Variants in SPAG1 observed in about 807,000 individuals in gnomAD.
The protein encoded by SPAG1 is sperm associated antigen 1, also known as sperm-associated antigen 1.
SPAG1 carries 69 observed loss-of-function variants against 100.5 expected under a neutral mutation model. The observed-to-expected ratio is 0.69, with a 90% CI of 0.57 to 0.84. The LOEUF is 0.84. Ranked by LOEUF, SPAG1 falls within the 40% of genes least tolerant of loss-of-function variation. The pLI is 0.00. For missense variants in SPAG1, 955 were observed against 1,133.1 expected, an observed-to-expected ratio of 0.84 and a Z score of 2.26; for synonymous variants, 336 against 411.6, an observed-to-expected ratio of 0.82 and a Z score of 2.22.
chr8:100,168,687 C>CTTTTTTTTTT (rs747506730), intron 3 of SPAG1, among the ~76,000 whole-genome samples: 158 of 95,546 alleles, frequency 1.7e-3, no homozygotes, highest in South Asian at 3.0e-3. Flanking sequence ...GCCCAGCCAT[C>CTTTTTTTTTT]TTTTTTTTTT....
intron 10 of SPAG1, among the ~76,000 whole-genome samples, chr8:100,211,518 A>T (rs1021411592): frequency 6.6e-6 from 1 of 152,176 alleles, no homozygotes; most frequent in African/African-American, 2.4e-5. Flanking sequence ...TTAGCCAGGC[A>T]TGGTGGCTGG....
At chr8:100,222,237 C>T (rs900616605) in intron 13 of SPAG1, among the ~76,000 whole-genome samples, 18 of 152,336 alleles carry the variant, frequency 1.2e-4, no homozygotes, top group Non-Finnish European at 2.1e-4. Context: ...CCCATAGGTG[C>T]ACCTTAGGTT....
At chr8:100,176,804 T>C (rs1816138756) in intron 3 of SPAG1, among the ~76,000 whole-genome samples, 1 of 105,018 alleles carries the variant, frequency 9.5e-6, no homozygotes, top group Non-Finnish European at 2.0e-5. Context: ...GCCTCATAAA[T>C]TTCCCTCTCC....
intron 12 of SPAG1, 64 bp from the exon 13 acceptor site, chr8:100,220,215 G>C: frequency 7.2e-7 from 1 of 1,383,696 alleles, no homozygotes; most frequent in Non-Finnish European, 1.0e-6. Context: ...TATCTATTCA[G>C]TGAAGTATAA....
At chr8:100,190,020 T>C (rs1401039727) in intron 8 of SPAG1, among the ~76,000 whole-genome samples, 4 of 152,144 alleles carry the variant, frequency 2.6e-5, no homozygotes, top group Non-Finnish European at 4.4e-5. Flanking sequence ...ATAAAATTTC[T>C]AACTTTTCAG....
intron 14 of SPAG1, among the ~76,000 whole-genome samples, chr8:100,228,967 G>A (rs1382204173): frequency 6.6e-6 from 1 of 152,172 alleles, no homozygotes; most frequent in Non-Finnish European, 1.5e-5. Context: ...GTCACTGAAA[G>A]GGCCCAGACA....
chr8:100,163,968 T>G (rs1815431922), intron 2 of SPAG1, among the ~76,000 whole-genome samples: 1 of 152,230 alleles, frequency 6.6e-6, no homozygotes, highest in East Asian at 1.9e-4. Flanking sequence ...TTTTTTAAAA[T>G]TTAATTTGGA....
At chr8:100,194,608 G>A (rs1816952373) in intron 10 of SPAG1, 3 of 423,766 alleles carry the variant, frequency 7.1e-6, no homozygotes, top group Non-Finnish European at 1.2e-5. Context: ...CTACTTGATT[G>A]CAAACAAATG....
chr8:100,164,090 C>T (rs1178820826), intron 2 of SPAG1, among the ~76,000 whole-genome samples: 1 of 152,190 alleles, frequency 6.6e-6, no homozygotes. Context: ...CCATTTAACT[C>T]TCTAAGGAAG....
chr8:100,231,399 G>C (rs1318218395), intron 15 of SPAG1, 111 bp downstream of exon 15: 2 of 722,698 alleles, frequency 2.8e-6, no homozygotes, highest in South Asian at 5.2e-5. Flanking sequence ...TTTTTGTGAT[G>C]GTTCTAAGAA....
At chr8:100,236,822 A>T (rs922214996) in intron 16 of SPAG1, among the ~76,000 whole-genome samples, 2 of 152,192 alleles carry the variant, frequency 1.3e-5, no homozygotes, top group Non-Finnish European at 2.9e-5. Flanking sequence ...ATTTACACCC[A>T]ATAGAGGGTG....
Position 100,213,284 on chromosome 8 carries a change from G to T in SPAG1, c.1291G>T (p.Gly431Cys). 1 of 1,217,670 alleles carries T rather than the reference G, an allele frequency of 8.2e-7. No individual in the cohort carries two copies. The highest frequency in any genetic ancestry group is 4.1e-5 in the South Asian group (1 of 24,502). The allele number at this position is 1,217,670 out of a possible 1,614,324, so 75.4% of individuals were successfully genotyped here. Residue 431 changes from glycine (G) to cysteine (C), a missense_variant, in exon 11 of 19, where the codon GGC (glycine) becomes TGC (cysteine). Transcript: ENST00000388798. Reference protein sequence around the residue: ...RASAAAAAGGGATGHPGGGQG... With the variant: ...RASAAAAAGGCATGHPGGGQG... ...CTCTGCGGCGGCGGCGGCGGGCGGC[G>T]GCGCCACCGGGCATCCGGGCGGCGG...
chr8:100,185,566 C>G (rs1238167805), intron 7 of SPAG1, among the ~76,000 whole-genome samples: 1 of 152,186 alleles, frequency 6.6e-6, no homozygotes, highest in Non-Finnish European at 1.5e-5. Context: ...CAAGGCCCAA[C>G]AAAGTACCTG....
At chr8:100,161,008 C>T (rs1183474695) in intron 1 of SPAG1, among the ~76,000 whole-genome samples, 1 of 151,994 alleles carries the variant, frequency 6.6e-6, no homozygotes, top group East Asian at 1.9e-4. Flanking sequence ...AGTTGACTTC[C>T]TCCATGGAAA....
chr8:100,234,639 C>T (rs1818922206), intron 16 of SPAG1, among the ~76,000 whole-genome samples: 2 of 152,182 alleles, frequency 1.3e-5, no homozygotes, highest in South Asian at 4.1e-4. Flanking sequence ...TGTATATATT[C>T]ACCAGTTGAT....
At chr8:100,160,580 T>C (rs1353593809) in intron 1 of SPAG1, among the ~76,000 whole-genome samples, 1 of 150,570 alleles carries the variant, frequency 6.6e-6, no homozygotes, top group Non-Finnish European at 1.5e-5. Context: ...TAAGCCAAGA[T>C]TGTGTCACTG....
chr8:100,241,268 T>A lies in SPAG1; in HGVS notation c.*246T>A. The A allele has an allele frequency of 3.7e-6, 1 of 269,902 alleles. No homozygotes were observed. The highest frequency in any genetic ancestry group is 6.8e-6 in the Non-Finnish European group (1 of 146,502). 16.7% of individuals were successfully genotyped at this position (269,902 alleles called of 1,614,324 possible). A position where few individuals can be genotyped will look rare whatever the true frequency, so the allele number is the denominator to read the frequency against. On this transcript the variant is annotated 3_prime_UTR_variant, in exon 19 of 19. Transcript: ENST00000388798. The surrounding 1 kb of genome is among the most constrained non-coding windows in gnomAD (Gnocchi z 5.1). The stretch of plus-strand genomic sequence containing the variant: ...TTTAGAACTTGTTAAAAATACATTT[T>A]AATTTATGATATACATATTATTTTA...
At chr8:100,230,885 T>C (rs564391149) in intron 14 of SPAG1, among the ~76,000 whole-genome samples, 1 of 152,294 alleles carries the variant, frequency 6.6e-6, no homozygotes, top group Admixed American at 6.5e-5. Context: ...CCTCCCAAAG[T>C]GCTGAGATTA....
intron 3 of SPAG1, among the ~76,000 whole-genome samples, chr8:100,172,931 G>A (rs1387117118): frequency 6.7e-6 from 1 of 150,066 alleles, no homozygotes; most frequent in Non-Finnish European, 1.5e-5. Context: ...AGCACTTTAT[G>A]TCCAGACTTT....
Sources: allele counts gnomAD v4.1 joint callset (sites outside exome capture counted in the v4.1 genomes callset), GRCh38; gene constraint gnomAD v4.1.1; non-coding constraint Gnocchi (gnomAD v3.1); transcripts MANE v1.5; gene names NCBI Gene and HGNC (gene_info 2026-07-23, HGNC 2026-07-21).